SUSD1: variants seen among roughly 807,000 people sequenced by gnomAD.
The protein encoded by SUSD1 is sushi domain-containing protein 1.
SUSD1 carries 65 observed loss-of-function variants against 86.9 expected under a neutral mutation model. The ratio of observed to expected loss-of-function variants is 0.75; its 90% CI spans 0.61 to 0.92. The LOEUF (loss-of-function observed/expected upper bound fraction) is 0.92, where lower values mean the gene tolerates loss of function less well. Among genes scored for constraint, SUSD1 ranks in the 40% least tolerant of loss-of-function variants. SUSD1 has a pLI of 0.00. For synonymous variants in SUSD1, 346 were observed against 350.0 expected (o/e 0.99, Z 0.13); for missense variants, 850 against 929.7 (o/e 0.91, Z 1.11).
rs147144006 is a variant in SUSD1 at position 112,144,057 on chromosome 9, T to C, written c.374-434A>G. Among the ~76,000 whole-genome samples, 190 of 151,694 alleles carry C rather than the reference T, an allele frequency of 1.3e-3. 3 individuals are homozygous for C. The East Asian group carries it at 0.035, about 28-fold the overall frequency. ...GAGTTCGAGACCAGCCTGGCCAACA[T>C]AGTGAAACCTCATCTCTAGTAAAAA... On this transcript the variant is annotated intron_variant, in intron 3 of 16. Transcript: ENST00000374270.
At chr9:112,135,147 A>G (rs1361415540) in intron 5 of SUSD1, among the ~76,000 whole-genome samples, 6 of 152,186 alleles carry the variant, frequency 3.9e-5, no homozygotes, top group African/African-American at 1.4e-4. Flanking sequence ...CACATTCTCA[A>G]GCGTAGTTTA....
chr9:112,117,033 A>G (rs1350799087), intron 6 of SUSD1, among the ~76,000 whole-genome samples: 1 of 152,166 alleles, frequency 6.6e-6, no homozygotes, highest in East Asian at 1.9e-4. Context: ...CCAGCTACTC[A>G]AGAGGCCGAG....
At chr9:112,123,095 T>C (rs1831619376) in intron 6 of SUSD1, among the ~76,000 whole-genome samples, 1 of 152,180 alleles carries the variant, frequency 6.6e-6, no homozygotes, top group South Asian at 2.1e-4. Flanking sequence ...ATAGTTAAGA[T>C]GGTGTATTCA....
rs529470594 is a variant in SUSD1 at position 112,142,961 on chromosome 9, C to CTTTTT, written c.527-467_527-463dup. Among the ~76,000 whole-genome samples, 61 of 30,216 alleles carry CTTTTT rather than the reference C, an allele frequency of 2.0e-3. 15 individuals carry two copies. Among genetic ancestry groups the CTTTTT allele is most frequent in the South Asian group, 4.3e-3 (2 of 466 alleles). The allele number at this position is 30,216 out of a possible 152,430, so 19.8% of individuals were successfully genotyped here. On this transcript the variant is annotated intron_variant, in intron 4 of 16. Coordinates refer to ENST00000374270, the MANE Select transcript of SUSD1 (RefSeq NM_022486.5). ...AATCCTTTAAGTTTATGAATTTTAGCTTTTTTTTTTTTTTTTTTTTTTTTT... is the reference window on the plus strand; with the variant it reads ...AATCCTTTAAGTTTATGAATTTTAGCTTTTTTTTTTTTTTTTTTTTTTTTTTTTTT...
chr9:112,142,461 A>G lies in SUSD1; in HGVS notation c.565T>C (p.Tyr189His), dbSNP rs1010755086. Residue 189 changes from tyrosine (Y) to histidine (H), a missense_variant, in exon 5 of 17, where the codon TAT (tyrosine) becomes CAT (histidine). Tyr to His is a moderately conservative substitution (Grantham distance 83, BLOSUM62 2). Coordinates refer to ENST00000374270, the MANE Select transcript of SUSD1 (RefSeq NM_022486.5). ...CTAGACGTATAATTTCCTATGATATAGCCATCTGGAACCTCAGGAGGGGTA... is the reference window on the plus strand; with the variant it reads ...CTAGACGTATAATTTCCTATGATATGGCCATCTGGAACCTCAGGAGGGGTA... ...CGTPPEVPDG[Y>H]IIGNYTSSLG... The G allele has an allele frequency of 6.2e-7, 1 of 1,613,840 alleles. No homozygotes were observed. The highest frequency in any genetic ancestry group is 8.5e-7 in the Non-Finnish European group (1 of 1,179,980).
At position 112,058,629 on chromosome 9, in the gene SUSD1, A is replaced by G. The variant is rs1828561882; in HGVS notation, c.1908T>C (p.Ser636=). The part of the protein sequence containing the change: ...LALQSTFSCD[S]EGASSFFSNA... ...TGCTAAAGAAGGAGGAAGCGCCTTC[A>G]GAATCACAAGAAAATGTGCTTTGGA... is the stretch of plus-strand genomic sequence containing the variant. The change falls in exon 14 of 17, where the codon TCT becomes TCC. Residue 636 remains serine, a synonymous_variant. Transcript: ENST00000374270. 1 of 1,614,088 alleles carries G rather than the reference A, an allele frequency of 6.2e-7. No individual in the cohort carries two copies. Among genetic ancestry groups the G allele is most frequent in the Admixed American group, 1.7e-5 (1 of 60,006 alleles).
intron 1 of SUSD1, among the ~76,000 whole-genome samples, chr9:112,165,989 G>GAAAGAAAGAAAGAAAC (rs776329983): frequency 1.3e-5 from 2 of 151,560 alleles, no homozygotes; most frequent in African/African-American, 4.8e-5. Context: ...AAGAAAGAAA[G>GAAAGAAAGAAAGAAAC]AAAGAAAATA....
rs1279880928 is a variant in SUSD1, at chr9:112,052,246, C to T, written c.2149+153G>A. 17 of 1,542,718 alleles carry T rather than the reference C, an allele frequency of 1.1e-5. No individual in the cohort carries two copies. In the East Asian group the frequency reaches 3.9e-4, roughly 35 times the overall value. Reference sequence around the variant, plus strand: ...AAGCTCCCATCCACTCACCCTCCTCCCATTTTTTTTCAGCTATGAAGCTCT... The same window carrying T: ...AAGCTCCCATCCACTCACCCTCCTCTCATTTTTTTTCAGCTATGAAGCTCT... On this transcript the variant is annotated intron_variant, in intron 15 of 16. Coordinates refer to ENST00000374270, the MANE Select transcript of SUSD1 (RefSeq NM_022486.5).
intron 10 of SUSD1, among the ~76,000 whole-genome samples, chr9:112,083,435 G>A (rs1589628876): frequency 1.3e-5 from 2 of 151,964 alleles, no homozygotes; most frequent in African/African-American, 2.4e-5. Context: ...ACCATGTTGG[G>A]CAGGCTGGTC....
rs533928840 is a variant in SUSD1, at chr9:112,122,007, C to T, written c.886+2250G>A. ...GTGCTTTCAGCTTTCTAAAATGCGC[C>T]CCACAGATTATCTTATTCGATTCCT... On this transcript the variant is annotated intron_variant, in intron 6 of 16. Transcript: ENST00000374270. 3.3e-5 allele frequency among the ~76,000 whole-genome samples: 5 copies of T among 152,252 alleles called. No individual in the cohort carries two copies. In the East Asian group the frequency reaches 9.7e-4, roughly 29 times the overall value.
intron 8 of SUSD1, among the ~76,000 whole-genome samples, chr9:112,111,366 T>C (rs1167353785): frequency 6.6e-6 from 1 of 152,020 alleles, no homozygotes; most frequent in African/African-American, 2.4e-5. Flanking sequence ...TATTTGAGAG[T>C]GGACTGATCA....
chr9:112,165,917 G>GAA (rs397800047), intron 1 of SUSD1, among the ~76,000 whole-genome samples: 7,152 of 62,984 alleles, frequency 0.11, 347 homozygotes, highest in African/African-American at 0.14. Context: ...AAGGAAGGAA[G>GAA]AAAGAAAAGA....
At chr9:112,170,463 C>T (rs575818167) in intron 1 of SUSD1, among the ~76,000 whole-genome samples, 2 of 152,140 alleles carry the variant, frequency 1.3e-5, no homozygotes, top group South Asian at 4.2e-4. Context: ...TCTACCCCTC[C>T]TCGCCCATTC....
In SUSD1 at chr9:112,088,267, G is replaced by A. The variant is rs371260303; in HGVS notation, c.1475-8102C>T. Among the ~76,000 whole-genome samples, 4 of 152,318 alleles carry A rather than the reference G, an allele frequency of 2.6e-5. No homozygotes were observed. The South Asian group carries it at 8.3e-4, about 32-fold the overall frequency. On this transcript the variant is annotated intron_variant, in intron 10 of 16. Coordinates refer to ENST00000374270, the MANE Select transcript of SUSD1 (RefSeq NM_022486.5). ...CTGAGGAAACTTCAGTAAAAGGATT[G>A]GTGATAAGCATTTGCTGTATTCAAT...
chr9:112,152,358 T>A (rs1589732837), intron 2 of SUSD1, among the ~76,000 whole-genome samples: 1 of 151,438 alleles, frequency 6.6e-6, no homozygotes, highest in South Asian at 2.1e-4. Context: ...GTACGAAGAA[T>A]TTTTTTTTGT....
At chr9:112,127,683 G>A (rs1400834796) in intron 5 of SUSD1, among the ~76,000 whole-genome samples, 6 of 152,152 alleles carry the variant, frequency 3.9e-5, no homozygotes, top group African/African-American at 1.4e-4. Context: ...TGGAGCTTAG[G>A]GAGAGCCAAT....
intron 13 of SUSD1, among the ~76,000 whole-genome samples, chr9:112,059,022 G>C (rs945799278): frequency 2.0e-5 from 3 of 152,156 alleles, no homozygotes. Flanking sequence ...TCGATCTCTT[G>C]ACCTCATGAT....
At chr9:112,042,379 C>A (rs1445008429) in intron 15 of SUSD1, among the ~76,000 whole-genome samples, 1 of 152,102 alleles carries the variant, frequency 6.6e-6, no homozygotes, top group Non-Finnish European at 1.5e-5. Flanking sequence ...AACTGATAGC[C>A]CTGATGGTCA....
intron 8 of SUSD1, 108 bp from the exon 9 acceptor site, chr9:112,102,393 T>G (rs1449450921): frequency 6.3e-6 from 3 of 473,184 alleles, no homozygotes; most frequent in Non-Finnish European, 1.1e-5. Context: ...AATTGGGTGT[T>G]TAACAGGAAT....
Sources: allele counts gnomAD v4.1 joint callset (sites outside exome capture counted in the v4.1 genomes callset), GRCh38; gene constraint gnomAD v4.1.1; transcripts MANE v1.5; gene names NCBI Gene and HGNC (gene_info 2026-07-23, HGNC 2026-07-21).